Variants in LSM8 observed in about 807,000 individuals in gnomAD.
The protein encoded by LSM8 is LSM8 U6 small nuclear RNA associated.
A neutral mutation model predicts 15.0 loss-of-function variants in LSM8; 14 were observed. The ratio of observed to expected loss-of-function variants is 0.93; its 90% CI spans 0.62 to 1.46. LSM8 has a LOEUF of 1.46. LSM8 is among the 40% of genes most tolerant of loss of function. The pLI is 0.00. For synonymous variants in LSM8, 50 were observed against 42.1 expected (o/e 1.19, Z -0.73); for missense variants, 90 against 115.4 (o/e 0.78, Z 1.01).
intron 3 of LSM8, chr7:118,189,843 AAG>A (rs993748562): frequency 2.6e-5 from 4 of 152,204 alleles, no homozygotes; most frequent in African/African-American, 4.8e-5. Context: ...CCTGGGCAAA[AAG>A]AGTGAAACTC....
rs10247768 is a variant in LSM8, at chr7:118,193,390, G to A, written c.*1388G>A. ...AATAGATCCTTATAGAGAGTTTAGAGGTGGGTTTCATTCATATTTTAAAAT... is the reference window on the plus strand; with the variant it reads ...AATAGATCCTTATAGAGAGTTTAGAAGTGGGTTTCATTCATATTTTAAAAT... On this transcript the variant is annotated 3_prime_UTR_variant, in exon 4 of 4. Coordinates refer to ENST00000249299, the MANE Select transcript of LSM8 (RefSeq NM_016200.5). 0.47 allele frequency among the ~76,000 whole-genome samples: 71,051 copies of A among 151,794 alleles called. 18,485 individuals carry two copies. The highest frequency in any genetic ancestry group is 0.59 in the South Asian group (2,846 of 4,814).
At position 118,202,759 on chromosome 7, in the gene LSM8, A is replaced by G. The variant is rs970702606; in HGVS notation, c.*10757A>G. On this transcript the variant is annotated 3_prime_UTR_variant, in exon 4 of 4. Coordinates refer to ENST00000249299, the MANE Select transcript of LSM8 (RefSeq NM_016200.5). The stretch of plus-strand genomic sequence containing the variant: ...AATGGGGATGGGGTGAACAACCAAC[A>G]ATGCTGCCATTGTGCTAGTATAGAA... Among the ~76,000 whole-genome samples the G allele has an allele frequency of 1.4e-5, 1 of 69,516 alleles. No homozygotes were observed. The highest frequency in any genetic ancestry group is 6.3e-5 in the African/African-American group (1 of 15,800). 45.6% of individuals were successfully genotyped at this position (69,516 alleles called of 152,430 possible). A position where few individuals can be genotyped will look rare whatever the true frequency, so the allele number is the denominator to read the frequency against.
At position 118,193,655 on chromosome 7, in the gene LSM8, C is replaced by A. The variant is rs1809026287; in HGVS notation, c.*1653C>A. Among the ~76,000 whole-genome samples the A allele has an allele frequency of 6.6e-6, 1 of 151,982 alleles. No individual in the cohort carries two copies. The highest frequency in any genetic ancestry group is 2.4e-5 in the African/African-American group (1 of 41,398). On this transcript the variant is annotated 3_prime_UTR_variant, in exon 4 of 4. Transcript: ENST00000249299. ...AATGATGGAAAGTGGGTAAGGCAAA[C>A]AGGCAAATTTAGGGACTGTGAATGA...
chr7:118,186,162 ACT>A (rs967024520), intron 2 of LSM8, among the ~76,000 whole-genome samples: 9 of 151,844 alleles, frequency 5.9e-5, no homozygotes, highest in Admixed American at 1.3e-4. Flanking sequence ...ATGATGATTG[ACT>A]CTCTATATAT....
Position 118,198,821 on chromosome 7 carries a change from A to G in LSM8, c.*6819A>G, listed in dbSNP as rs529276537. Among the ~76,000 whole-genome samples, 4 of 152,134 alleles carry G rather than the reference A, an allele frequency of 2.6e-5. No individual in the cohort carries two copies. Among genetic ancestry groups the G allele is most frequent in the Non-Finnish European group, 4.4e-5 (3 of 68,036 alleles). ...GAAGAAAATCTCTTGAGTCCTTGGG[A>G]TGTCTTACCTGTTAAGAGTGCTTTT... On this transcript the variant is annotated 3_prime_UTR_variant, in exon 4 of 4. Transcript: ENST00000249299.
rs976989211 is a variant in LSM8 at position 118,192,643 on chromosome 7, T to C, written c.*641T>C. 5.9e-5 allele frequency: 9 copies of C among 152,158 alleles called. No individual in the cohort carries two copies. Among genetic ancestry groups the C allele is most frequent in the African/African-American group, 2.2e-4 (9 of 41,462 alleles). 9.4% of individuals were successfully genotyped at this position (152,158 alleles called of 1,614,324 possible). On this transcript the variant is annotated 3_prime_UTR_variant, in exon 4 of 4. Transcript: ENST00000249299. ...TGACAGAGATGATTAGTAAAGTCTC[T>C]TGATGCCCAATTGGTTAGGTATGAA...
chr7:118,197,824 T>G lies in LSM8; in HGVS notation c.*5822T>G, dbSNP rs1428709636. Reference sequence around the variant, plus strand: ...ACTTAGTTTGCAGAGCTTAGCATATTAATCTTACCATGTCTTAGTTGCTAT... The same window carrying G: ...ACTTAGTTTGCAGAGCTTAGCATATGAATCTTACCATGTCTTAGTTGCTAT... On this transcript the variant is annotated 3_prime_UTR_variant, in exon 4 of 4. Coordinates refer to ENST00000249299, the MANE Select transcript of LSM8 (RefSeq NM_016200.5). Among the ~76,000 whole-genome samples, 1 of 152,208 alleles carries G rather than the reference T, an allele frequency of 6.6e-6. No individual in the cohort carries two copies. The highest frequency in any genetic ancestry group is 1.5e-5 in the Non-Finnish European group (1 of 68,022).
In LSM8 at chr7:118,193,944, G is replaced by A. The variant is rs1809032269; in HGVS notation, c.*1942G>A. 6.6e-6 allele frequency among the ~76,000 whole-genome samples: 1 copy of A among 152,086 alleles called. No homozygotes were observed. The highest frequency in any genetic ancestry group is 2.4e-5 in the African/African-American group (1 of 41,436). ...ATAAAGCTGTATTTTCCTGATTGAT[G>A]TTGGAAAAAGCATTCCCAAAATGTG... On this transcript the variant is annotated 3_prime_UTR_variant, in exon 4 of 4. Transcript: ENST00000249299.
rs1185915527 is a variant in LSM8 at position 118,199,872 on chromosome 7, G to A, written c.*7870G>A. 6.6e-6 allele frequency among the ~76,000 whole-genome samples: 1 copy of A among 152,092 alleles called. No individual in the cohort carries two copies. The highest frequency in any genetic ancestry group is 1.5e-5 in the Non-Finnish European group (1 of 68,010). On this transcript the variant is annotated 3_prime_UTR_variant, in exon 4 of 4. Coordinates refer to ENST00000249299, the MANE Select transcript of LSM8 (RefSeq NM_016200.5). ...ATAGCAACACTAGGCTGGACTGAGT[G>A]GTGAATACGTTGATATAGCAATTTA...
rs750718226 is a variant in LSM8 at position 118,185,698 on chromosome 7, A to G, written c.72+4A>G. 1.2e-5 allele frequency: 19 copies of G among 1,608,088 alleles called. No individual in the cohort carries two copies. Among genetic ancestry groups the G allele is most frequent in the Non-Finnish European group, 1.6e-5 (19 of 1,175,448 alleles). ...ATCAGATGGGAGAATGATTGTGGTAAGTCTTTGGAATTTTCATTCTCTGCT... is the reference window on the plus strand; with the variant it reads ...ATCAGATGGGAGAATGATTGTGGTAGGTCTTTGGAATTTTCATTCTCTGCT... On this transcript the variant is annotated splice_donor_region_variant and intron_variant, in intron 2 of 3. Transcript: ENST00000249299.
At position 118,192,238 on chromosome 7, in the gene LSM8, G is replaced by T; in HGVS notation, c.*236G>T. 3.1e-6 allele frequency: 1 copy of T among 325,006 alleles called. No individual in the cohort carries two copies. The highest frequency in any genetic ancestry group is 6.9e-5 in the South Asian group (1 of 14,442). 20.1% of individuals were successfully genotyped at this position (325,006 alleles called of 1,614,324 possible). A position where few individuals can be genotyped will look rare whatever the true frequency, so the allele number is the denominator to read the frequency against. ...TATTAAATAGTGTGAAAATATAATG[G>T]GCATTTTGAAAACTTTTAGAAAAAA... On this transcript the variant is annotated 3_prime_UTR_variant, in exon 4 of 4. Transcript: ENST00000249299.
rs1383510015 is a variant in LSM8, at chr7:118,197,406, T to C, written c.*5404T>C. The stretch of plus-strand genomic sequence containing the variant: ...GGCAGGAAACTAATATGTTTCTGTT[T>C]GATATATGAAAATATGCACAAGCTA... On this transcript the variant is annotated 3_prime_UTR_variant, in exon 4 of 4. Coordinates refer to ENST00000249299, the MANE Select transcript of LSM8 (RefSeq NM_016200.5). Among the ~76,000 whole-genome samples the C allele has an allele frequency of 2.2e-5, 3 of 137,632 alleles. No individual in the cohort carries two copies. Among genetic ancestry groups the C allele is most frequent in the Non-Finnish European group, 3.1e-5 (2 of 64,322 alleles). 90.3% of individuals were successfully genotyped at this position (137,632 alleles called of 152,430 possible).
intron 1 of LSM8, chr7:118,184,943 A>G (rs988183558): frequency 7.9e-5 from 12 of 152,234 alleles, no homozygotes; most frequent in Admixed American, 5.9e-4. Flanking sequence ...CACTGCTTAT[A>G]TAGTTTCTTT....
rs1337037269 is a variant in LSM8, at chr7:118,197,486, CTCAT to C, written c.*5486_*5489del. Among the ~76,000 whole-genome samples the C allele has an allele frequency of 2.0e-5, 3 of 152,088 alleles. No individual in the cohort carries two copies. In the East Asian group the frequency reaches 5.8e-4, roughly 29 times the overall value. On this transcript the variant is annotated 3_prime_UTR_variant, in exon 4 of 4. Transcript: ENST00000249299. ...TTATAATAAATCATACTCTAGAAAACTCATTAACTGATACAAGTTGCCAGAAAAT... is the reference window on the plus strand; with the variant it reads ...TTATAATAAATCATACTCTAGAAAACTAACTGATACAAGTTGCCAGAAAAT...
Position 118,184,184 on chromosome 7 carries a change from C to G in LSM8, c.-40C>G, listed in dbSNP as rs765092916. 4 of 1,544,778 alleles carry G rather than the reference C, an allele frequency of 2.6e-6. No individual in the cohort carries two copies. In the Admixed American group the frequency reaches 5.9e-5, roughly 23 times the overall value. ...GCGCCCTTTCAGTTCTGCTTGCTGT[C>G]GGCACCGCTGCGTTACCCGGAACCG... On this transcript the variant is annotated 5_prime_UTR_variant, in exon 1 of 4. Transcript: ENST00000249299.
At chr7:118,185,594 G>T (rs1323437807) in intron 1 of LSM8, 60 bp from the exon 2 acceptor site, 4 of 1,415,602 alleles carry the variant, frequency 2.8e-6, no homozygotes, top group South Asian at 2.4e-5. Flanking sequence ...TCATTCCCTT[G>T]CCAGAGTCTG....
In LSM8 at chr7:118,195,671, C is replaced by A. The variant is rs1337938410; in HGVS notation, c.*3669C>A. Among the ~76,000 whole-genome samples, 1 of 152,064 alleles carries A rather than the reference C, an allele frequency of 6.6e-6. No individual in the cohort carries two copies. The highest frequency in any genetic ancestry group is 1.9e-4 in the East Asian group (1 of 5,178). ...TTTCACATGTAAAGAGGAACCTCTC[C>A]ATTCTGTACTTGTATAGTCATTACC... On this transcript the variant is annotated 3_prime_UTR_variant, in exon 4 of 4. Coordinates refer to ENST00000249299, the MANE Select transcript of LSM8 (RefSeq NM_016200.5).
chr7:118,187,656 G>A (rs889662800), intron 2 of LSM8, among the ~76,000 whole-genome samples: 2 of 152,162 alleles, frequency 1.3e-5, no homozygotes, highest in Admixed American at 1.3e-4. Context: ...TGGTTTAGTG[G>A]TCTGGCTCAG....
Position 118,202,236 on chromosome 7 carries a change from G to A in LSM8, c.*10234G>A, listed in dbSNP as rs535911278. Among the ~76,000 whole-genome samples, 1 of 152,048 alleles carries A rather than the reference G, an allele frequency of 6.6e-6. No homozygotes were observed. The highest frequency in any genetic ancestry group is 1.5e-5 in the Non-Finnish European group (1 of 67,954). ...GAAGTGTCATATGAAAGGAAGTTACGATTATTATTGGTGAGTACATCAGTT... is the reference window on the plus strand; with the variant it reads ...GAAGTGTCATATGAAAGGAAGTTACAATTATTATTGGTGAGTACATCAGTT... On this transcript the variant is annotated 3_prime_UTR_variant, in exon 4 of 4. Transcript: ENST00000249299.
Sources: allele counts gnomAD v4.1 joint callset (sites outside exome capture counted in the v4.1 genomes callset), GRCh38; gene constraint gnomAD v4.1.1; transcripts MANE v1.5; gene names NCBI Gene and HGNC (gene_info 2026-07-23, HGNC 2026-07-21).